Variants in CNOT6L observed in about 807,000 individuals in gnomAD.
The protein encoded by CNOT6L is CCR4-NOT transcription complex subunit 6-like.
A neutral mutation model predicts 64.0 loss-of-function variants in CNOT6L; 7 were observed. The observed-to-expected ratio is 0.11, with a 90% CI of 0.06 to 0.21. CNOT6L has a LOEUF of 0.21. Ranked by LOEUF, CNOT6L falls within the 10% of genes least tolerant of loss-of-function variation. CNOT6L has a pLI of 1.00. For missense variants in CNOT6L, 245 were observed against 669.0 expected (o/e 0.37, Z 6.99); for synonymous variants, 193 against 243.4 (o/e 0.79, Z 1.93).
At chr4:77,761,502 T>C (rs1421013723) in intron 4 of CNOT6L, among the ~76,000 whole-genome samples, 4 of 152,242 alleles carry the variant, frequency 2.6e-5, no homozygotes. Context: ...TTTTGAGTTC[T>C]AAAGCATTCT....
intron 9 of CNOT6L, among the ~76,000 whole-genome samples, chr4:77,730,758 A>G (rs950358912): frequency 2.0e-5 from 3 of 152,034 alleles, no homozygotes; most frequent in Admixed American, 1.3e-4. Flanking sequence ...AGTACAGGGG[A>G]AAAAAAGCCC....
chr4:77,796,062 T>A (rs746610102), intron 1 of CNOT6L, among the ~76,000 whole-genome samples: 1 of 152,148 alleles, frequency 6.6e-6, no homozygotes, highest in Non-Finnish European at 1.5e-5. Flanking sequence ...CATGGGTATA[T>A]TGCATGATGC....
chr4:77,726,530 A>G (rs1721869551), intron 10 of CNOT6L, among the ~76,000 whole-genome samples, 161 bp from the exon 11 acceptor site: 1 of 152,238 alleles, frequency 6.6e-6, no homozygotes, highest in African/African-American at 2.4e-5. Context: ...ATAAAAAATC[A>G]AATACCAGCC....
chr4:77,790,232 C>G (rs1729968330), intron 1 of CNOT6L, among the ~76,000 whole-genome samples: 1 of 152,126 alleles, frequency 6.6e-6, no homozygotes, highest in African/African-American at 2.4e-5. Context: ...CTTTTCATAG[C>G]TTGATAGCTC....
At chr4:77,756,140 C>T (rs773574682) in intron 5 of CNOT6L, among the ~76,000 whole-genome samples, 18 of 152,046 alleles carry the variant, frequency 1.2e-4, no homozygotes, top group Admixed American at 1.0e-3. Context: ...CGCACCACCA[C>T]GCCTGGCTAA....
intron 1 of CNOT6L, among the ~76,000 whole-genome samples, chr4:77,802,221 A>G (rs971968832): frequency 6.6e-6 from 1 of 152,194 alleles, no homozygotes; most frequent in African/African-American, 2.4e-5. Context: ...TACACCTTAT[A>G]CATACAATAT....
intron 1 of CNOT6L, among the ~76,000 whole-genome samples, chr4:77,802,925 G>C (rs1271877159): frequency 6.6e-6 from 1 of 151,924 alleles, no homozygotes; most frequent in East Asian, 1.9e-4. Flanking sequence ...ATAATCTTGG[G>C]GTGCAGAAAA....
At position 77,768,595 on chromosome 4, in the gene CNOT6L, T is replaced by C. The variant is rs191368467; in HGVS notation, c.400+4486A>G. On this transcript the variant is annotated intron_variant, in intron 4 of 11. Coordinates refer to ENST00000504123, the MANE Select transcript of CNOT6L (RefSeq NM_144571.3). The stretch of plus-strand genomic sequence containing the variant: ...GGGAGAAGACACTTATAACGCAAAA[T>C]AGAAAAAAGAACTCCTCCAATTCAA... Among the ~76,000 whole-genome samples the C allele has an allele frequency of 4.4e-3, 646 of 146,288 alleles. 7 individuals are homozygous for C. The highest frequency in any genetic ancestry group is 0.012 in the Admixed American group (173 of 14,794).
chr4:77,741,645 T>C (rs1723602731), intron 8 of CNOT6L, among the ~76,000 whole-genome samples: 1 of 152,198 alleles, frequency 6.6e-6, no homozygotes, highest in South Asian at 2.1e-4. Context: ...TCAGTGAGAT[T>C]AGGAACTATG....
intron 4 of CNOT6L, among the ~76,000 whole-genome samples, chr4:77,763,160 C>T (rs1236358544): frequency 6.6e-6 from 1 of 151,808 alleles, no homozygotes; most frequent in African/African-American, 2.4e-5. Context: ...GGTAGGACAG[C>T]AATAACAAAA....
chr4:77,795,827 A>G (rs1032465900), intron 1 of CNOT6L, among the ~76,000 whole-genome samples: 1 of 152,336 alleles, frequency 6.6e-6, no homozygotes, highest in African/African-American at 2.4e-5. Flanking sequence ...ACTGAGAAAA[A>G]TTAAAGAACT....
chr4:77,777,502 T>C (rs1286668800), intron 1 of CNOT6L, among the ~76,000 whole-genome samples: 1 of 152,176 alleles, frequency 6.6e-6, no homozygotes, highest in Non-Finnish European at 1.5e-5. Flanking sequence ...AAGGTAACCT[T>C]ATTCAAGGGG....
At chr4:77,742,942 G>A (rs1723752524) in intron 7 of CNOT6L, among the ~76,000 whole-genome samples, 2 of 152,070 alleles carry the variant, frequency 1.3e-5, no homozygotes, top group Admixed American at 1.3e-4. Flanking sequence ...ATGAGTTTAT[G>A]ACAGCAAAAA....
At chr4:77,802,849 C>A (rs1731749117) in intron 1 of CNOT6L, among the ~76,000 whole-genome samples, 1 of 152,144 alleles carries the variant, frequency 6.6e-6, no homozygotes, top group Non-Finnish European at 1.5e-5. Context: ...ACTACAAAAA[C>A]CAAGCTTCTA....
chr4:77,753,243 C>A (rs1055954281), intron 5 of CNOT6L, among the ~76,000 whole-genome samples: 46 of 147,106 alleles, frequency 3.1e-4, no homozygotes, highest in African/African-American at 1.1e-3. Flanking sequence ...TAAATAAATT[C>A]TTCCAAACAA....
At chr4:77,754,485 T>C (rs192677470) in intron 5 of CNOT6L, among the ~76,000 whole-genome samples, 14 of 152,242 alleles carry the variant, frequency 9.2e-5, no homozygotes, top group Admixed American at 8.5e-4. Context: ...TCCAAAGCCA[T>C]CTATAGATTC....
intron 8 of CNOT6L, among the ~76,000 whole-genome samples, chr4:77,734,969 G>A (rs1185421089): frequency 6.6e-6 from 1 of 152,048 alleles, no homozygotes. Context: ...TTTGTGTTAA[G>A]TACTTCATAT....
chr4:77,744,993 T>G (rs1412760221), intron 6 of CNOT6L, 118 bp from the exon 7 acceptor site: 4 of 671,208 alleles, frequency 6.0e-6, no homozygotes, highest in Non-Finnish European at 9.1e-6. Flanking sequence ...ATCATCATTG[T>G]AAAATGCCTA....
At chr4:77,817,753 G>A (rs899047493) in intron 1 of CNOT6L, among the ~76,000 whole-genome samples, 1 of 152,112 alleles carries the variant, frequency 6.6e-6, no homozygotes, top group Non-Finnish European at 1.5e-5. Context: ...CCACTTCCCC[G>A]TGAACAGCAT....
Sources: gnomAD v4.1 joint callset for allele counts (sites outside exome capture counted in the v4.1 genomes callset) on GRCh38, gnomAD v4.1.1 for gene constraint, MANE v1.5 for transcripts, NCBI Gene and HGNC (gene_info 2026-07-23, HGNC 2026-07-21) for gene names.